The following RTN4 variants were observed in gnomAD, a reference collection of about 807,000 sequenced individuals.
RTN4 encodes reticulon-4.
RTN4 carries 32 observed loss-of-function variants against 90.4 expected under a neutral mutation model. The ratio of observed to expected loss-of-function variants is 0.35; its 90% CI spans 0.27 to 0.48. The LOEUF is 0.48. Ranked by LOEUF, RTN4 falls within the 20% of genes least tolerant of loss-of-function variation. RTN4 has a pLI of 0.99. For synonymous variants in RTN4, 629 were observed against 552.5 expected (o/e 1.14, Z -1.94); for missense variants, 1,706 against 1,430.2 (o/e 1.19, Z -3.11).
At chr2:55,064,915 A>G (rs1668363426) in intron 2 of RTN4, among the ~76,000 whole-genome samples, 2 of 152,252 alleles carry the variant, frequency 1.3e-5, no homozygotes, top group Non-Finnish European at 2.9e-5. Flanking sequence ...TATGAAAGTG[A>G]TAGGGTATCA....
the RTN4 span, among the ~76,000 whole-genome samples, chr2:55,125,535 G>A: frequency 6.6e-6 from 1 of 152,224 alleles, no homozygotes; most frequent in Non-Finnish European, 1.5e-5. Flanking sequence ...GGAGGCCAAG[G>A]CAGGCAGATG....
chr2:54,978,452 A>AG (rs1491021156), intron 5 of RTN4, among the ~76,000 whole-genome samples: 3 of 150,892 alleles, frequency 2.0e-5, no homozygotes, highest in Admixed American at 1.3e-4. Flanking sequence ...AAAAAAAAAA[A>AG]AGAGCTAGTG....
chr2:54,998,433 T>A (rs1679614307), intron 3 of RTN4, among the ~76,000 whole-genome samples: 1 of 152,208 alleles, frequency 6.6e-6, no homozygotes, highest in South Asian at 2.1e-4. Context: ...TTAGAATGAA[T>A]GAATACCTTA....
At position 55,025,744 on chromosome 2, in the gene RTN4, C is replaced by G. The variant is rs199612143; in HGVS notation, c.2355G>C (p.Lys785Asn). 6.2e-7 allele frequency: 1 copy of G among 1,613,448 alleles called. No homozygotes were observed. The highest frequency in any genetic ancestry group is 8.5e-7 in the Non-Finnish European group (1 of 1,179,760). The stretch of plus-strand genomic sequence containing the variant: ...CAGGTGGCAAAGCACTGAGTTTTTC[C>G]TTATTTTCATATTCTATCATTGACT... ...SFESMIEYEN[K>N]EKLSALPPEG... Residue 785 changes from lysine (K) to asparagine (N), a missense_variant, in exon 3 of 9, where the codon AAG becomes AAC. Coordinates refer to ENST00000337526, the MANE Select transcript of RTN4 (RefSeq NM_020532.5).
the RTN4 span, among the ~76,000 whole-genome samples, chr2:55,137,559 C>T: frequency 6.6e-6 from 1 of 152,076 alleles, no homozygotes; most frequent in Non-Finnish European, 1.5e-5. Flanking sequence ...GAAATCACGG[C>T]GGCTGCTGCT....
In RTN4 at chr2:55,026,529, C is replaced by T. The variant is rs766325633; in HGVS notation, c.1570G>A (p.Asp524Asn). The change falls in exon 3 of 9, where the codon GAT becomes AAT. Residue 524 changes from aspartate to asparagine, a missense_variant. Asp to Asn is a conservative substitution (Grantham distance 23, BLOSUM62 1). Transcript: ENST00000337526. ...TSNPFLVAAQ[D>N]SETDYVTTDN... is the part of the protein sequence containing the mutation. ...GTTGTGACATAATCTGTCTCAGAATCCTGTGCTGCTACAAGAAAAGGGTTT... is the reference window on the plus strand; with the variant it reads ...GTTGTGACATAATCTGTCTCAGAATTCTGTGCTGCTACAAGAAAAGGGTTT... 2 of 1,613,880 alleles carry T rather than the reference C, an allele frequency of 1.2e-6. No individual in the cohort carries two copies. The highest frequency in any genetic ancestry group is 1.7e-5 in the Admixed American group (1 of 59,978).
intron 1 of RTN4, among the ~76,000 whole-genome samples, chr2:55,093,502 G>C (rs1156843651): frequency 6.6e-6 from 1 of 152,008 alleles, no homozygotes; most frequent in Non-Finnish European, 1.5e-5. Context: ...ATTATGCTGA[G>C]GGAAGTTCTT....
At chr2:55,061,820 C>A (rs1404041636) in intron 2 of RTN4, among the ~76,000 whole-genome samples, 6 of 152,116 alleles carry the variant, frequency 3.9e-5, no homozygotes, top group African/African-American at 1.4e-4. Context: ...TGCCCATAGA[C>A]CTAGGTGACG....
rs1398418665 is a variant in RTN4, at chr2:54,972,275, A to G, written c.*881T>C. 1 of 152,682 alleles carries G rather than the reference A, an allele frequency of 6.5e-6. No individual in the cohort carries two copies. The highest frequency in any genetic ancestry group is 2.4e-5 in the African/African-American group (1 of 41,464). The allele number at this position is 152,682 out of a possible 1,614,324, so 9.5% of individuals were successfully genotyped here. A position where few individuals can be genotyped will look rare whatever the true frequency, so the allele number is the denominator to read the frequency against. The stretch of plus-strand genomic sequence containing the variant: ...TTAGTTCAGTACAGCTTAAACCACA[A>G]TGGTATAAATCTTCATTTTGTAATT... On this transcript the variant is annotated 3_prime_UTR_variant, in exon 9 of 9. Transcript: ENST00000337526.
At chr2:55,104,496 G>A (rs1033870110) in intron 1 of RTN4, among the ~76,000 whole-genome samples, 21 of 151,886 alleles carry the variant, frequency 1.4e-4, no homozygotes, top group Admixed American at 5.9e-4. Flanking sequence ...GACTACAGGC[G>A]CATGCCACCA....
chr2:55,010,368 C>T, intron 3 of RTN4: 1 of 1,316,630 alleles, frequency 7.6e-7, no homozygotes, highest in Non-Finnish European at 9.7e-7. Context: ...TTCCTTCTAT[C>T]TGTTGATTGT....
chr2:55,091,964 CT>C (rs1258191170), intron 1 of RTN4, among the ~76,000 whole-genome samples: 3 of 152,170 alleles, frequency 2.0e-5, no homozygotes, highest in East Asian at 1.9e-4. Context: ...TTACCTCCCC[CT>C]GGGTCCCTCC....
At position 55,025,864 on chromosome 2, in the gene RTN4, A is replaced by G. The variant is rs148273185; in HGVS notation, c.2235T>C (p.Val745=). ...VEDSSPDSEP[V]DLFSDDSIPD... Reference sequence around the variant, plus strand: ...GTATTGAATCATCACTAAATAAGTCAACTGGTTCAGAATCAGGTGAGGAAT... The same window carrying G: ...GTATTGAATCATCACTAAATAAGTCGACTGGTTCAGAATCAGGTGAGGAAT... Residue 745 remains valine, a synonymous_variant, in exon 3 of 9, where the codon GTT becomes GTC. Coordinates refer to ENST00000337526, the MANE Select transcript of RTN4 (RefSeq NM_020532.5). 8.9e-5 allele frequency: 144 copies of G among 1,613,826 alleles called. No homozygotes were observed. The South Asian group carries it at 1.1e-3, about 12-fold the overall frequency.
intron 1 of RTN4, among the ~76,000 whole-genome samples, chr2:55,111,734 A>T (rs559356234): frequency 5.9e-5 from 9 of 152,184 alleles, no homozygotes; most frequent in Non-Finnish European, 1.2e-4. Flanking sequence ...CCATGTACAG[A>T]GTAAGTGTTG....
the RTN4 span, among the ~76,000 whole-genome samples, chr2:55,135,433 CTGGTCTCAAGTG>C: frequency 6.6e-6 from 1 of 152,164 alleles, no homozygotes; most frequent in Non-Finnish European, 1.5e-5. Flanking sequence ...TCTCAAACTC[CTGGTCTCAAGTG>C]ATCTGCCCAC....
At chr2:55,017,421 G>A (rs1165009017) in intron 3 of RTN4, among the ~76,000 whole-genome samples, 2 of 152,138 alleles carry the variant, frequency 1.3e-5, no homozygotes, top group South Asian at 4.1e-4. Flanking sequence ...CTTTTAAAGT[G>A]AGTGATCATG....
At chr2:55,121,631 A>T in the RTN4 span, among the ~76,000 whole-genome samples, 2 of 152,210 alleles carry the variant, frequency 1.3e-5, no homozygotes, top group African/African-American at 4.8e-5. Context: ...CACTGAGGTC[A>T]TTATTATTAT....
In RTN4 at chr2:55,026,922, C is replaced by G. The variant is rs199928140; in HGVS notation, c.1177G>C (p.Val393Leu). Residue 393 changes from valine (V) to leucine (L), a missense_variant, in exon 3 of 9, where the codon GTA becomes CTA. Physicochemically the swap from Val to Leu is conservative, Grantham distance 32 (BLOSUM62 1). Coordinates refer to ENST00000337526, the MANE Select transcript of RTN4 (RefSeq NM_020532.5). Reference sequence around the variant, plus strand: ...TCCTTACTATCTTTCACTTCCCATACTCGCTCAAATGGTTTGAAGTCTGCA... The same window carrying G: ...TCCTTACTATCTTTCACTTCCCATAGTCGCTCAAATGGTTTGAAGTCTGCA... ...EYADFKPFER[V>L]WEVKDSKEDS... 6.1e-5 allele frequency: 99 copies of G among 1,613,556 alleles called. No individual in the cohort carries two copies. Among genetic ancestry groups the G allele is most frequent in the Middle Eastern group, 1.6e-4 (1 of 6,082 alleles).
chr2:54,992,050 A>G (rs1679052239), intron 3 of RTN4, among the ~76,000 whole-genome samples: 1 of 152,196 alleles, frequency 6.6e-6, no homozygotes, highest in Non-Finnish European at 1.5e-5. Flanking sequence ...AAACCTAATG[A>G]GCCACTATGC....
Sources: gnomAD v4.1 joint callset for allele counts (sites outside exome capture counted in the v4.1 genomes callset) on GRCh38, gnomAD v4.1.1 for gene constraint, MANE v1.5 for transcripts, NCBI Gene and HGNC (gene_info 2026-07-23, HGNC 2026-07-21) for gene names.